The following RORA variants were observed in gnomAD, a reference collection of about 807,000 sequenced individuals.
RORA encodes the protein nuclear receptor ROR-alpha.
RORA carries 7 observed loss-of-function variants against 69.5 expected under a neutral mutation model. The observed-to-expected ratio is 0.10, with a 90% CI of 0.06 to 0.19. The LOEUF is 0.19. Among genes scored for constraint, RORA ranks in the 10% least tolerant of loss-of-function variants. RORA has a pLI of 1.00. For missense variants in RORA, 457 were observed against 663.0 expected (o/e 0.69, Z 3.41); for synonymous variants, 261 against 240.8 (o/e 1.08, Z -0.78).
intron 1 of RORA, among the ~76,000 whole-genome samples, chr15:60,767,783 A>G (rs937141180): frequency 5.3e-5 from 8 of 152,202 alleles, no homozygotes; most frequent in Non-Finnish European, 7.4e-5. Context: ...AATAATTGTT[A>G]GTTCCTTTAT....
At chr15:60,850,799 T>G (rs2073315783) in intron 1 of RORA, among the ~76,000 whole-genome samples, 1 of 152,212 alleles carries the variant, frequency 6.6e-6, no homozygotes, top group Admixed American at 6.5e-5. Flanking sequence ...TTTAAGAGCA[T>G]GCATTCTTCT....
At chr15:60,876,021 C>T (rs1331700494) in intron 1 of RORA, among the ~76,000 whole-genome samples, 1 of 152,132 alleles carries the variant, frequency 6.6e-6, no homozygotes, top group Non-Finnish European at 1.5e-5. Context: ...CACAGTTGTT[C>T]AGCGTATTTA....
intron 2 of RORA, chr15:60,598,605 A>G (rs1312472700): frequency 1.3e-5 from 2 of 152,268 alleles, no homozygotes; most frequent in African/African-American, 2.4e-5. Flanking sequence ...TAATACATAT[A>G]ACATACAAAA....
In RORA at chr15:60,862,971, T is replaced by C. The variant is rs549231623; in HGVS notation, c.167-184285A>G. Among the ~76,000 whole-genome samples, 15 of 152,338 alleles carry C rather than the reference T, an allele frequency of 9.8e-5. No individual in the cohort carries two copies. In the South Asian group the frequency reaches 1.2e-3, roughly 13 times the overall value. On this transcript the variant is annotated intron_variant, in intron 1 of 10. Transcript: ENST00000335670. Reference sequence around the variant, plus strand: ...GCTTTTCCTCTCTGCTGTCCAACTGTGTGGTTCTCCCTTCAGGCAGGTTGA... The same window carrying C: ...GCTTTTCCTCTCTGCTGTCCAACTGCGTGGTTCTCCCTTCAGGCAGGTTGA...
Position 60,516,077 on chromosome 15 carries a change from T to A in RORA, c.283-1320A>T, listed in dbSNP as rs1342511811. 3.0e-4 allele frequency among the ~76,000 whole-genome samples: 9 copies of A among 30,410 alleles called. 1 individual carries two copies. The highest frequency in any genetic ancestry group is 1.3e-3 in the African/African-American group (8 of 6,134). The allele number at this position is 30,410 out of a possible 152,430, so 20.0% of individuals were successfully genotyped here. ...TATATTTATATATATTTATATATAT[T>A]TATTTATATATATTTATATATATTT... On this transcript the variant is annotated intron_variant, in intron 3 of 10. Coordinates refer to ENST00000335670, the MANE Select transcript of RORA (RefSeq NM_134261.3).
chr15:60,594,274 A>G (rs754804404), intron 2 of RORA, among the ~76,000 whole-genome samples: 2 of 152,354 alleles, frequency 1.3e-5, no homozygotes, highest in Non-Finnish European at 1.5e-5. Flanking sequence ...TGATGCAACT[A>G]TATCTCCCAA....
rs1045512949 is a variant in RORA, at chr15:61,226,543, C to A, written c.166+2510G>T. 5.3e-5 allele frequency among the ~76,000 whole-genome samples: 8 copies of A among 152,272 alleles called. No individual in the cohort carries two copies. The highest frequency in any genetic ancestry group is 1.9e-4 in the African/African-American group (8 of 41,556). Reference sequence around the variant, plus strand: ...ACATCATCTGAAAACCCAAACATTTCCCATTTTCAAATCACTCTCAACTAC... The same window carrying A: ...ACATCATCTGAAAACCCAAACATTTACCATTTTCAAATCACTCTCAACTAC... On this transcript the variant is annotated intron_variant, in intron 1 of 10. Coordinates refer to ENST00000335670, the MANE Select transcript of RORA (RefSeq NM_134261.3). The surrounding 1 kb of genome is among the most constrained non-coding windows in gnomAD (Gnocchi z 4.2).
chr15:60,716,924 T>G (rs1364068584), intron 1 of RORA, among the ~76,000 whole-genome samples: 1 of 152,190 alleles, frequency 6.6e-6, no homozygotes, highest in Non-Finnish European at 1.5e-5. Flanking sequence ...TCCTCTATAA[T>G]AAACTGGTAA....
At position 61,169,280 on chromosome 15, in the gene RORA, A is replaced by G. The variant is rs535840342; in HGVS notation, c.166+59773T>C. Among the ~76,000 whole-genome samples the G allele has an allele frequency of 5.2e-3, 791 of 152,162 alleles. 6 individuals carry two copies. The highest frequency in any genetic ancestry group is 0.018 in the African/African-American group (767 of 41,520). On this transcript the variant is annotated intron_variant, in intron 1 of 10. Coordinates refer to ENST00000335670, the MANE Select transcript of RORA (RefSeq NM_134261.3). ...GCCCTGTACACAGCTTGGAAAAAAA[A>G]AAAAAAAGTCTGGCGTCTTTTAAGG...
rs2066524197 is a variant in RORA, at chr15:60,531,483, T to C, written c.282+283A>G. ...GGAGTTAGCTCTTTTTTAAAAAAGA[T>C]TGCCACAGAGATTGCTCATGAGTTC... On this transcript the variant is annotated intron_variant, in intron 3 of 10. Coordinates refer to ENST00000335670, the MANE Select transcript of RORA (RefSeq NM_134261.3). This position sits in a 1 kb window ranked among gnomAD's most constrained non-coding sequence, Gnocchi z 4.8. The C allele has an allele frequency of 3.1e-6, 1 of 320,054 alleles. No homozygotes were observed. The allele number at this position is 320,054 out of a possible 1,614,324, so 19.8% of individuals were successfully genotyped here. A position where few individuals can be genotyped will look rare whatever the true frequency, so the allele number is the denominator to read the frequency against.
At chr15:61,228,022 C>A (rs2080163953) in intron 1 of RORA, among the ~76,000 whole-genome samples, 1 of 151,898 alleles carries the variant, frequency 6.6e-6, no homozygotes, top group Non-Finnish European at 1.5e-5. Context: ...GAGTCCCCCC[C>A]ATCCCCCCCA....
rs2080142820 is a variant in RORA, at chr15:61,226,074, G to A, written c.166+2979C>T. 6.6e-6 allele frequency among the ~76,000 whole-genome samples: 1 copy of A among 152,174 alleles called. No individual in the cohort carries two copies. The highest frequency in any genetic ancestry group is 1.5e-5 in the Non-Finnish European group (1 of 68,030). The stretch of plus-strand genomic sequence containing the variant: ...AGCTCAGGCAATAAAGGTACACAGT[G>A]CATCCACACTTGGATTCCCAAGAGG... On this transcript the variant is annotated intron_variant, in intron 1 of 10. Transcript: ENST00000335670. This position sits in a 1 kb window ranked among gnomAD's most constrained non-coding sequence, Gnocchi z 4.2.
intron 1 of RORA, among the ~76,000 whole-genome samples, chr15:60,681,221 C>T (rs903029057): frequency 2.0e-5 from 3 of 152,126 alleles, no homozygotes; most frequent in East Asian, 1.9e-4. Context: ...AACTGAGGCT[C>T]AGGAAAGTTT....
At chr15:61,078,839 A>T (rs567202947) in intron 1 of RORA, among the ~76,000 whole-genome samples, 1 of 152,220 alleles carries the variant, frequency 6.6e-6, no homozygotes, top group East Asian at 1.9e-4. Flanking sequence ...ATCTCATGGA[A>T]TCAGGGGCTT....
chr15:61,156,250 T>C (rs2079441375), intron 1 of RORA, among the ~76,000 whole-genome samples: 1 of 152,164 alleles, frequency 6.6e-6, no homozygotes, highest in Admixed American at 6.5e-5. Context: ...TATGTTAAAA[T>C]CTGTTCCTGT....
chr15:60,880,456 C>T (rs775180290), intron 1 of RORA, among the ~76,000 whole-genome samples: 27 of 152,080 alleles, frequency 1.8e-4, no homozygotes, highest in Admixed American at 6.5e-5. Context: ...CGGGCCAACA[C>T]GGTGAAACCC....
At chr15:60,684,510 G>A (rs545269200) in intron 1 of RORA, among the ~76,000 whole-genome samples, 9 of 152,066 alleles carry the variant, frequency 5.9e-5, no homozygotes, top group East Asian at 1.9e-4. Flanking sequence ...CCAGCTACTC[G>A]GGAGACTGAG....
chr15:60,959,047 A>C (rs1224513042), intron 1 of RORA, among the ~76,000 whole-genome samples: 1 of 152,132 alleles, frequency 6.6e-6, no homozygotes, highest in Admixed American at 6.5e-5. Context: ...TTAAAGTTGT[A>C]CCTGCAAAGA....
At position 60,589,821 on chromosome 15, in the gene RORA, G is replaced by A. The variant is rs756685398; in HGVS notation, c.197-57970C>T. On this transcript the variant is annotated intron_variant, in intron 2 of 10. Coordinates refer to ENST00000335670, the MANE Select transcript of RORA (RefSeq NM_134261.3). ...CAAAGAGAATCTTTCTTTTATGGTG[G>A]CTTGTTCTCTCCTCCCTTGTCCACA... Among the ~76,000 whole-genome samples the A allele has an allele frequency of 1.3e-4, 20 of 152,100 alleles. 1 individual carries two copies. Among genetic ancestry groups the A allele is most frequent in the Non-Finnish European group, 2.8e-4 (19 of 68,010 alleles).
Sources: gnomAD v4.1 joint callset for allele counts (sites outside exome capture counted in the v4.1 genomes callset) on GRCh38, gnomAD v4.1.1 for gene constraint, Gnocchi (gnomAD v3.1) non-coding constraint, MANE v1.5 for transcripts, NCBI Gene and HGNC (gene_info 2026-07-23, HGNC 2026-07-21) for gene names.